UBE3D: variants seen among roughly 807,000 people sequenced by gnomAD.
UBE3D encodes the protein ubiquitin protein ligase E3D.
UBE3D carries 48 observed loss-of-function variants against 49.6 expected under a neutral mutation model. The observed-to-expected ratio is 0.97, with a 90% CI of 0.77 to 1.23. The LOEUF is 1.23. UBE3D is among the 50% of genes most tolerant of loss of function. The probability of loss-of-function intolerance (pLI) is 0.00; values close to 1 mark genes in which losing one functional copy is unlikely to be tolerated. For missense variants in UBE3D, 452 were observed against 468.4 expected (o/e 0.96, Z 0.32); for synonymous variants, 189 against 174.2 (o/e 1.08, Z -0.67).
chr6:82,932,525 C>T (rs293510), intron 9 of UBE3D: 102,201 of 151,846 alleles, frequency 0.67, 34,888 homozygotes, highest in East Asian at 0.79. Context: ...TTTCTGGTGG[C>T]GATTCCAAAT....
chr6:82,996,123 A>G (rs1230042625), intron 8 of UBE3D, among the ~76,000 whole-genome samples: 2 of 152,182 alleles, frequency 1.3e-5, no homozygotes, highest in African/African-American at 4.8e-5. Context: ...AAAAAGAACC[A>G]GAACTTCTTT....
Position 83,048,568 on chromosome 6 carries a change from G to A in UBE3D, c.366-3909C>T, listed in dbSNP as rs548089053. The stretch of plus-strand genomic sequence containing the variant: ...CACCAAGATTTACAGAGATCTGGGA[G>A]ACAACTCACATTAACACAAAATATG... On this transcript the variant is annotated intron_variant, in intron 3 of 9. Transcript: ENST00000369747. Among the ~76,000 whole-genome samples the A allele has an allele frequency of 2.6e-5, 4 of 152,250 alleles. No homozygotes were observed. The South Asian group carries it at 6.2e-4, about 24-fold the overall frequency.
chr6:82,954,294 T>C (rs892306865), intron 9 of UBE3D, among the ~76,000 whole-genome samples: 4 of 152,224 alleles, frequency 2.6e-5, no homozygotes, highest in African/African-American at 9.6e-5. Context: ...TCCTACATTT[T>C]GTTGGCTTAT....
intron 3 of UBE3D, among the ~76,000 whole-genome samples, 165 bp downstream of exon 3, chr6:83,053,983 G>A (rs937567852): frequency 6.6e-6 from 1 of 152,128 alleles, no homozygotes; most frequent in Admixed American, 6.5e-5. Flanking sequence ...ATCACTCTGC[G>A]ATTGCTAGCA....
At chr6:82,967,341 C>A (rs118061552) in intron 8 of UBE3D, among the ~76,000 whole-genome samples, 3 of 152,294 alleles carry the variant, frequency 2.0e-5, no homozygotes, top group Non-Finnish European at 4.4e-5. Flanking sequence ...TGTGTATTTA[C>A]TTCTAGGCAA....
chr6:82,984,763 A>G (rs933165287), intron 8 of UBE3D, among the ~76,000 whole-genome samples: 1 of 151,944 alleles, frequency 6.6e-6, no homozygotes, highest in African/African-American at 2.4e-5. Context: ...AGATTTTTAT[A>G]AGCTGGGGAT....
chr6:83,065,751 G>C lies in UBE3D; in HGVS notation c.-33C>G. 6.3e-7 allele frequency: 1 copy of C among 1,592,492 alleles called. No homozygotes were observed. Among genetic ancestry groups the C allele is most frequent in the East Asian group, 2.3e-5 (1 of 43,128 alleles). ...TTCCAGTCCCAGACCGGACCAAGCT[G>C]GAGGTTCCGAGGGGCCCGGGTCAAC... On this transcript the variant is annotated 5_prime_UTR_variant, in exon 1 of 10. Coordinates refer to ENST00000369747, the MANE Select transcript of UBE3D (RefSeq NM_198920.3).
chr6:82,975,698 T>C (rs1431563421), intron 8 of UBE3D, among the ~76,000 whole-genome samples: 1 of 152,202 alleles, frequency 6.6e-6, no homozygotes, highest in Non-Finnish European at 1.5e-5. Flanking sequence ...TCAATTGTTA[T>C]TTAAATTAAG....
chr6:83,042,546 C>G (rs1782747568), intron 4 of UBE3D, among the ~76,000 whole-genome samples: 1 of 152,184 alleles, frequency 6.6e-6, no homozygotes, highest in Non-Finnish European at 1.5e-5. Context: ...TGTAATGAAG[C>G]AGCCTAACAG....
intron 9 of UBE3D, among the ~76,000 whole-genome samples, chr6:82,902,762 A>T (rs542232586): frequency 3.3e-5 from 5 of 152,338 alleles, no homozygotes; most frequent in African/African-American, 1.2e-4. Flanking sequence ...ACCTATCAAC[A>T]GACTGTTTAA....
intron 8 of UBE3D, among the ~76,000 whole-genome samples, chr6:82,986,767 A>C (rs1778545516): frequency 6.7e-6 from 1 of 148,318 alleles, no homozygotes; most frequent in Non-Finnish European, 1.5e-5. Context: ...TATTATACAT[A>C]TATATTCTTT....
chr6:83,061,464 C>T (rs1562240639), intron 1 of UBE3D, among the ~76,000 whole-genome samples: 1 of 152,324 alleles, frequency 6.6e-6, no homozygotes, highest in East Asian at 1.9e-4. Flanking sequence ...GTTTGATTGA[C>T]ATAGTTCATA....
chr6:82,897,297 A>G (rs1244672140), intron 9 of UBE3D, among the ~76,000 whole-genome samples: 1 of 152,110 alleles, frequency 6.6e-6, no homozygotes, highest in Non-Finnish European at 1.5e-5. Flanking sequence ...ATATTATAAA[A>G]TCCAGTTTCT....
chr6:82,889,747 G>A (rs894467664), downstream of UBE3D, among the ~76,000 whole-genome samples: 78 of 151,942 alleles, frequency 5.1e-4, 2 homozygotes, highest in Admixed American at 6.6e-5. Flanking sequence ...CCATGAGAAT[G>A]TAAGCTCGAT....
At chr6:82,964,634 A>C (rs183832324) in intron 8 of UBE3D, among the ~76,000 whole-genome samples, 22 of 152,314 alleles carry the variant, frequency 1.4e-4, no homozygotes, top group African/African-American at 5.3e-4. Context: ...TGATATGTCC[A>C]TCAATTTAAG....
intron 9 of UBE3D, among the ~76,000 whole-genome samples, chr6:82,894,803 G>A (rs1771190527): frequency 6.6e-6 from 1 of 152,114 alleles, no homozygotes; most frequent in African/African-American, 2.4e-5. Flanking sequence ...CAGCATCCCT[G>A]GCAGGCGACA....
intron 8 of UBE3D, among the ~76,000 whole-genome samples, chr6:83,006,096 A>C (rs1779960035): frequency 6.6e-6 from 1 of 152,146 alleles, no homozygotes; most frequent in African/African-American, 2.4e-5. Context: ...ATGATGGCTC[A>C]CGCCTGTAAT....
At chr6:83,014,120 G>A (rs924362743) in intron 8 of UBE3D, among the ~76,000 whole-genome samples, 1 of 152,228 alleles carries the variant, frequency 6.6e-6, no homozygotes, top group African/African-American at 2.4e-5. Context: ...AACCACATCT[G>A]GTACTGCAGT....
chr6:82,943,729 T>C (rs771241999), intron 9 of UBE3D, among the ~76,000 whole-genome samples: 19 of 152,120 alleles, frequency 1.2e-4, no homozygotes, highest in Non-Finnish European at 2.8e-4. Context: ...CTGAAAAGAA[T>C]AGGAAACAGT....
Sources: allele counts gnomAD v4.1 joint callset (sites outside exome capture counted in the v4.1 genomes callset), GRCh38; gene constraint gnomAD v4.1.1; transcripts MANE v1.5; gene names NCBI Gene and HGNC (gene_info 2026-07-23, HGNC 2026-07-21).